The following MR1 variants were observed in gnomAD, a reference collection of about 807,000 sequenced individuals.
MR1 encodes the protein major histocompatibility complex class I-related protein 1.
In MR1, 44 loss-of-function variants were observed where a neutral mutation model predicts 37.8. The observed-to-expected ratio is 1.16, with a 90% CI of 0.91 to 1.50. MR1 has a LOEUF of 1.50. MR1 is among the 40% of genes most tolerant of loss of function. The pLI is 0.00. For missense variants in MR1, 386 were observed against 419.1 expected (o/e 0.92, Z 0.69); for synonymous variants, 153 against 155.8 (o/e 0.98, Z 0.13).
In MR1 at chr1:181,041,083, A is replaced by G. The variant is rs201083824; in HGVS notation, c.67+7009A>G. Among the ~76,000 whole-genome samples the G allele has an allele frequency of 5.3e-4, 9 of 16,834 alleles. No homozygotes were observed. The East Asian group carries it at 0.011, about 20-fold the overall frequency. The allele number at this position is 16,834 out of a possible 152,430, so 11.0% of individuals were successfully genotyped here. On this transcript the variant is annotated intron_variant, in intron 1 of 5. Coordinates refer to ENST00000367580, the MANE Select transcript of MR1 (RefSeq NM_001385161.1). ...GGTGACAGAGTGAGACTCTGTCTCA[A>G]TAAATAAATAAATAAATAAATAAAT...
chr1:181,052,420 G>A lies in MR1; in HGVS notation c.790G>A (p.Ala264Thr). 1 of 1,614,186 alleles carries A rather than the reference G, an allele frequency of 6.2e-7. No individual in the cohort carries two copies. Among genetic ancestry groups the A allele is most frequent in the Non-Finnish European group, 8.5e-7 (1 of 1,180,036 alleles). ...TGGGGATGGAACCTATCAGGCGTGG[G>A]CATCAATTGAGCTTGATCCTCAGAG... ...PSGDGTYQAW[A>T]SIELDPQSSN... The change falls in exon 4 of 6, where the codon GCA becomes ACA. Residue 264 changes from alanine to threonine, a missense_variant. By Grantham distance (58) the Ala-to-Thr change is moderately conservative. Coordinates refer to ENST00000367580, the MANE Select transcript of MR1 (RefSeq NM_001385161.1).
chr1:181,052,137 T>C (rs1382544269), intron 3 of MR1, 98 bp from the exon 4 acceptor site: 3 of 1,389,126 alleles, frequency 2.2e-6, no homozygotes, highest in Admixed American at 2.4e-5. Flanking sequence ...AGAAGTTTCC[T>C]GCAATAAAGA....
Position 181,055,605 on chromosome 1 carries a change from A to G in MR1, c.*340A>G, listed in dbSNP as rs1475541000. On this transcript the variant is annotated 3_prime_UTR_variant, in exon 6 of 6. Coordinates refer to ENST00000367580, the MANE Select transcript of MR1 (RefSeq NM_001385161.1). ...CTCAGAGCAGGAAGGAATCTTTTCA[A>G]CCAGAGCAGGAACTGTCTTCTGCAA... The G allele has an allele frequency of 9.2e-6, 3 of 325,894 alleles. No homozygotes were observed. The highest frequency in any genetic ancestry group is 6.3e-5 in the African/African-American group (3 of 47,254). 20.2% of individuals were successfully genotyped at this position (325,894 alleles called of 1,614,324 possible). A position where few individuals can be genotyped will look rare whatever the true frequency, so the allele number is the denominator to read the frequency against.
Position 181,036,838 on chromosome 1 carries a change from G to A in MR1, c.67+2764G>A, listed in dbSNP as rs533634162. Among the ~76,000 whole-genome samples, 5 of 152,306 alleles carry A rather than the reference G, an allele frequency of 3.3e-5. No homozygotes were observed. In the South Asian group the frequency reaches 1.0e-3, roughly 32 times the overall value. On this transcript the variant is annotated intron_variant, in intron 1 of 5. Coordinates refer to ENST00000367580, the MANE Select transcript of MR1 (RefSeq NM_001385161.1). ...TTGCTGAGTGAATTTATGTTCGGAG[G>A]TAATGTCCCTAAGAAATCACAGTTA...
Position 181,056,457 on chromosome 1 carries a change from T to G in MR1, c.*1192T>G, listed in dbSNP as rs1293409237. 1 of 152,076 alleles carries G rather than the reference T, an allele frequency of 6.6e-6. No homozygotes were observed. Among genetic ancestry groups the G allele is most frequent in the Non-Finnish European group, 1.5e-5 (1 of 68,018 alleles). The allele number at this position is 152,076 out of a possible 1,614,324, so 9.4% of individuals were successfully genotyped here. On this transcript the variant is annotated 3_prime_UTR_variant, in exon 6 of 6. Coordinates refer to ENST00000367580, the MANE Select transcript of MR1 (RefSeq NM_001385161.1). ...TCAATTCTCATTTCTGCCTTTCCTG[T>G]GCTGGCTCATGGTAGCTGGGCATGA...
chr1:181,044,211 C>T (rs1044423886), intron 1 of MR1, among the ~76,000 whole-genome samples: 2 of 152,108 alleles, frequency 1.3e-5, no homozygotes, highest in African/African-American at 4.8e-5. Flanking sequence ...GATCCGCCCG[C>T]GTCGGCCTCC....
rs781290551 is a variant in MR1, at chr1:181,056,424, G to T, written c.*1159G>T. The stretch of plus-strand genomic sequence containing the variant: ...ATAATAACAGTATATTTGGTGTCAG[G>T]AGAGGGCTCAATTCTCATTTCTGCC... On this transcript the variant is annotated 3_prime_UTR_variant, in exon 6 of 6. Transcript: ENST00000367580. 6.6e-6 allele frequency: 1 copy of T among 151,550 alleles called. No homozygotes were observed. Among genetic ancestry groups the T allele is most frequent in the East Asian group, 1.9e-4 (1 of 5,172 alleles). The allele number at this position is 151,550 out of a possible 1,614,324, so 9.4% of individuals were successfully genotyped here.
At chr1:181,045,386 T>G (rs1305603633) in intron 1 of MR1, among the ~76,000 whole-genome samples, 1 of 152,090 alleles carries the variant, frequency 6.6e-6, no homozygotes, top group African/African-American at 2.4e-5. Context: ...CAGCCTGGGC[T>G]CCACCTCCCA....
In MR1 at chr1:181,056,447, G is replaced by A. The variant is rs1277915914; in HGVS notation, c.*1182G>A. ...AGGAGAGGGCTCAATTCTCATTTCT[G>A]CCTTTCCTGTGCTGGCTCATGGTAG... On this transcript the variant is annotated 3_prime_UTR_variant, in exon 6 of 6. Transcript: ENST00000367580. 6.6e-6 allele frequency: 1 copy of A among 151,914 alleles called. No homozygotes were observed. The highest frequency in any genetic ancestry group is 1.5e-5 in the Non-Finnish European group (1 of 67,976). 9.4% of individuals were successfully genotyped at this position (151,914 alleles called of 1,614,324 possible). A position where few individuals can be genotyped will look rare whatever the true frequency, so the allele number is the denominator to read the frequency against.
At chr1:181,050,379 GA>G in intron 3 of MR1, 93 bp downstream of exon 3, 1 of 1,514,024 alleles carries the variant, frequency 6.6e-7, no homozygotes, top group Non-Finnish European at 9.1e-7. Flanking sequence ...ACTGTATCCT[GA>G]AAGCCATCTC....
intron 5 of MR1, among the ~76,000 whole-genome samples, chr1:181,054,338 T>C (rs1034504293): frequency 1.3e-5 from 2 of 152,202 alleles, no homozygotes; most frequent in Non-Finnish European, 2.9e-5. Context: ...CCTGTTTTCA[T>C]AGAGCTTACA....
Position 181,034,085 on chromosome 1 carries a change from C to T in MR1, c.67+11C>T. 1 of 1,610,582 alleles carries T rather than the reference C, an allele frequency of 6.2e-7. No individual in the cohort carries two copies. The highest frequency in any genetic ancestry group is 8.5e-7 in the Non-Finnish European group (1 of 1,178,794). On this transcript the variant is annotated intron_variant, in intron 1 of 5. Transcript: ENST00000367580. ...AGCACAGCGATTCCCGTGAGTATCC[C>T]ACGTCCTCTTCTCTCCTAACTCCAA...
intron 4 of MR1, among the ~76,000 whole-genome samples, chr1:181,052,887 T>G (rs1463627837): frequency 6.6e-6 from 1 of 151,374 alleles, no homozygotes; most frequent in South Asian, 2.1e-4. Flanking sequence ...GCCAACATGG[T>G]GAAACCCCAT....
At position 181,060,515 on chromosome 1, in the gene MR1, C is replaced by T. The variant is rs1015390128; in HGVS notation, c.*5250C>T. 4 of 152,216 alleles carry T rather than the reference C, an allele frequency of 2.6e-5. No individual in the cohort carries two copies. Among genetic ancestry groups the T allele is most frequent in the African/African-American group, 7.2e-5 (3 of 41,448 alleles). The allele number at this position is 152,216 out of a possible 1,614,324, so 9.4% of individuals were successfully genotyped here. The stretch of plus-strand genomic sequence containing the variant: ...TCATTAAATGAATTCACCGCAACTA[C>T]AGTGAGACTGACTACCTTAGCTTAC... On this transcript the variant is annotated 3_prime_UTR_variant, in exon 6 of 6. Coordinates refer to ENST00000367580, the MANE Select transcript of MR1 (RefSeq NM_001385161.1).
chr1:181,054,469 C>T (rs2877545), intron 5 of MR1, among the ~76,000 whole-genome samples: 15,744 of 152,222 alleles, frequency 0.1, 1,398 homozygotes, highest in East Asian at 0.34. Context: ...GGTTTTCCTT[C>T]ATAGACATAG....
At position 181,055,448 on chromosome 1, in the gene MR1, A is replaced by C; in HGVS notation, c.*183A>C. 1 of 588,456 alleles carries C rather than the reference A, an allele frequency of 1.7e-6. No individual in the cohort carries two copies. The highest frequency in any genetic ancestry group is 3.0e-6 in the Non-Finnish European group (1 of 332,592). 36.5% of individuals were successfully genotyped at this position (588,456 alleles called of 1,614,324 possible). A position where few individuals can be genotyped will look rare whatever the true frequency, so the allele number is the denominator to read the frequency against. ...AAATGTTCTTTGTTCTTTGGCTCCA[A>C]AAAGACTGTCAGCTTTCAGTCTCTT... On this transcript the variant is annotated 3_prime_UTR_variant, in exon 6 of 6. Coordinates refer to ENST00000367580, the MANE Select transcript of MR1 (RefSeq NM_001385161.1).
chr1:181,043,626 C>T (rs1379087584), intron 1 of MR1, among the ~76,000 whole-genome samples: 2 of 152,128 alleles, frequency 1.3e-5, no homozygotes, highest in African/African-American at 4.8e-5. Flanking sequence ...CACTTAAGCC[C>T]AGGAATTCAA....
intron 1 of MR1, among the ~76,000 whole-genome samples, chr1:181,035,845 T>A (rs1232748772): frequency 6.6e-6 from 1 of 152,166 alleles, no homozygotes; most frequent in African/African-American, 2.4e-5. Flanking sequence ...GACTTGTCAC[T>A]TTGATAATTG....
intron 1 of MR1, among the ~76,000 whole-genome samples, chr1:181,043,530 C>T (rs1481786798): frequency 6.6e-6 from 1 of 151,916 alleles, no homozygotes. Context: ...TGAGACCAGC[C>T]TGGGCAACAC....
Sources: gnomAD v4.1 joint callset for allele counts (sites outside exome capture counted in the v4.1 genomes callset) on GRCh38, gnomAD v4.1.1 for gene constraint, MANE v1.5 for transcripts, NCBI Gene and HGNC (gene_info 2026-07-23, HGNC 2026-07-21) for gene names.